PPFIA2: variants seen among roughly 807,000 people sequenced by gnomAD.
PPFIA2 encodes liprin-alpha-2.
In PPFIA2, 46 loss-of-function variants were observed where a neutral mutation model predicts 175.5. The observed-to-expected ratio is 0.26, with a 90% confidence interval of 0.21 to 0.34. PPFIA2 has a LOEUF of 0.34. Ranked by LOEUF, PPFIA2 falls within the 10% of genes least tolerant of loss-of-function variation. The pLI is 1.00. For missense variants in PPFIA2, 1,179 were observed against 1,506.1 expected, an observed-to-expected ratio of 0.78 and a Z score of 3.60; for synonymous variants, 568 against 511.4, an observed-to-expected ratio of 1.11 and a Z score of -1.49.
chr12:81,609,093 A>ATT (rs56131137), intron 4 of PPFIA2, among the ~76,000 whole-genome samples: 38 of 151,568 alleles, frequency 2.5e-4, no homozygotes, highest in African/African-American at 8.9e-4. Context: ...TATACTATAG[A>ATT]TTTTTTTTGC....
At chr12:81,323,113 A>T (rs923836497) in intron 22 of PPFIA2, among the ~76,000 whole-genome samples, 2 of 152,198 alleles carry the variant, frequency 1.3e-5, no homozygotes, top group Admixed American at 1.3e-4. Context: ...ATGGCTTTTT[A>T]AAAAATGTAC....
chr12:81,721,496 T>C (rs2079334566), intron 3 of PPFIA2, among the ~76,000 whole-genome samples: 1 of 150,268 alleles, frequency 6.7e-6, no homozygotes, highest in Admixed American at 6.7e-5. Flanking sequence ...TATGCATACA[T>C]CTAGTGGCAA....
intron 3 of PPFIA2, among the ~76,000 whole-genome samples, chr12:81,743,563 C>T (rs1331609778): frequency 6.8e-6 from 1 of 147,312 alleles, no homozygotes; most frequent in South Asian, 2.2e-4. Context: ...TTAATGCTTT[C>T]AGTTATAATT....
chr12:81,376,366 A>T (rs2141738740), intron 9 of PPFIA2, among the ~76,000 whole-genome samples: 1 of 152,196 alleles, frequency 6.6e-6, no homozygotes, highest in Admixed American at 6.6e-5. Context: ...TACCATCCGT[A>T]TTCTTACCTT....
intron 28 of PPFIA2, among the ~76,000 whole-genome samples, chr12:81,276,942 A>C (rs1436244821): frequency 6.6e-6 from 1 of 152,206 alleles, no homozygotes; most frequent in Non-Finnish European, 1.5e-5. Context: ...ATATAAACCA[A>C]AGATGAACTG....
intron 4 of PPFIA2, among the ~76,000 whole-genome samples, chr12:81,619,383 G>GT (rs2061773005): frequency 6.6e-6 from 1 of 152,164 alleles, no homozygotes; most frequent in Non-Finnish European, 1.5e-5. Context: ...GCCATAAGAT[G>GT]TAAGTATCGT....
At chr12:81,322,852 T>C (rs1330564957) in intron 22 of PPFIA2, among the ~76,000 whole-genome samples, 2 of 152,196 alleles carry the variant, frequency 1.3e-5, no homozygotes, top group African/African-American at 4.8e-5. Flanking sequence ...GTTGATTTCC[T>C]ATTTCTCATA....
At position 81,371,999 on chromosome 12, in the gene PPFIA2, C is replaced by T. The variant is rs139068445; in HGVS notation, c.1266+2635G>A. ...TCAACCAAAGAATGCATTCAGACAT[C>T]CCATCTAAATAATATATACTGGGAC... On this transcript the variant is annotated intron_variant, in intron 11 of 32. Coordinates refer to ENST00000549396, the MANE Select transcript of PPFIA2 (RefSeq NM_003625.5). 2.7e-3 allele frequency among the ~76,000 whole-genome samples: 402 copies of T among 151,324 alleles called. 1 individual carries two copies. Among genetic ancestry groups the T allele is most frequent in the African/African-American group, 9.0e-3 (372 of 41,376 alleles).
chr12:81,589,955 C>T (rs548521120), intron 4 of PPFIA2, among the ~76,000 whole-genome samples: 8 of 152,182 alleles, frequency 5.3e-5, no homozygotes, highest in African/African-American at 1.9e-4. Flanking sequence ...TTAGGGATTA[C>T]AGTTAAAGCT....
At chr12:81,559,966 C>T (rs2069674101) in intron 4 of PPFIA2, among the ~76,000 whole-genome samples, 1 of 152,048 alleles carries the variant, frequency 6.6e-6, no homozygotes. Flanking sequence ...ACACATGTGG[C>T]CTCCTCTATC....
intron 4 of PPFIA2, among the ~76,000 whole-genome samples, chr12:81,592,064 C>A (rs895662995): frequency 6.6e-6 from 1 of 152,084 alleles, no homozygotes; most frequent in Non-Finnish European, 1.5e-5. Context: ...CTTGTATCAG[C>A]ATGAATGGAT....
chr12:81,755,325 A>G (rs999255885), intron 2 of PPFIA2, among the ~76,000 whole-genome samples: 11 of 152,226 alleles, frequency 7.2e-5, no homozygotes, highest in African/African-American at 2.6e-4. Flanking sequence ...ACTCATCTCA[A>G]TTTTGGTTGT....
chr12:81,735,593 A>C (rs1471990274), intron 3 of PPFIA2, among the ~76,000 whole-genome samples: 1 of 151,610 alleles, frequency 6.6e-6, no homozygotes, highest in Non-Finnish European at 1.5e-5. Context: ...TATTTTGATG[A>C]AGTTCTATTT....
intron 3 of PPFIA2, among the ~76,000 whole-genome samples, chr12:81,712,531 T>G (rs1243707854): frequency 6.6e-6 from 1 of 151,088 alleles, no homozygotes; most frequent in African/African-American, 2.4e-5. Context: ...GAGTAAGAGT[T>G]TAGTAATAAG....
intron 4 of PPFIA2, among the ~76,000 whole-genome samples, chr12:81,534,543 C>T (rs1011374086): frequency 4.0e-5 from 6 of 151,580 alleles, no homozygotes; most frequent in Non-Finnish European, 8.9e-5. Flanking sequence ...TTTCTTTTTA[C>T]TTTTCATTCT....
chr12:81,391,178 G>A (rs967848486), intron 8 of PPFIA2, among the ~76,000 whole-genome samples: 1 of 151,852 alleles, frequency 6.6e-6, no homozygotes, highest in African/African-American at 2.4e-5. Context: ...TTTATGTGTG[G>A]GAGCAGAAAG....
intron 8 of PPFIA2, among the ~76,000 whole-genome samples, chr12:81,385,892 T>C (rs1566591389): frequency 6.6e-6 from 1 of 152,124 alleles, no homozygotes; most frequent in Non-Finnish European, 1.5e-5. Context: ...GTGATGGATA[T>C]ATTAACTTGA....
intron 4 of PPFIA2, among the ~76,000 whole-genome samples, chr12:81,476,205 ACT>A (rs1438588076): frequency 6.6e-6 from 1 of 152,086 alleles, no homozygotes; most frequent in Admixed American, 6.6e-5. Context: ...TTCAGAATAC[ACT>A]CTGCTGGTTT....
At chr12:81,360,873 T>C (rs534164885) in intron 15 of PPFIA2, among the ~76,000 whole-genome samples, 50 of 151,886 alleles carry the variant, frequency 3.3e-4, no homozygotes, top group African/African-American at 1.2e-3. Context: ...CTACTGCTTG[T>C]CTTATTTTAT....
Sources: allele counts gnomAD v4.1 joint callset (sites outside exome capture counted in the v4.1 genomes callset), GRCh38; gene constraint gnomAD v4.1.1; transcripts MANE v1.5; gene names NCBI Gene and HGNC (gene_info 2026-07-23, HGNC 2026-07-21).